ABCG8: variants seen among roughly 807,000 people sequenced by gnomAD.
ABCG8 encodes the protein ATP-binding cassette sub-family G member 8.
Under a neutral mutation model 71.3 loss-of-function variants are expected in ABCG8, and 81 were observed. That is an observed-to-expected ratio of 1.14 (90% confidence interval 0.95 to 1.37). The LOEUF (loss-of-function observed/expected upper bound fraction) is 1.37, where lower values mean the gene tolerates loss of function less well. Ranked by LOEUF, ABCG8 falls within the 40% of genes most tolerant of loss-of-function variation. The probability of loss-of-function intolerance (pLI) is 0.00; values close to 1 mark genes in which losing one functional copy is unlikely to be tolerated. For synonymous variants in ABCG8, 451 were observed against 354.7 expected (o/e 1.27, Z -3.05); for missense variants, 1,119 against 866.2 (o/e 1.29, Z -3.66).
In ABCG8 at chr2:43,873,957, T is replaced by A; in HGVS notation, c.1382T>A (p.Phe461Tyr). 6.2e-7 allele frequency: 1 copy of A among 1,614,108 alleles called. No individual in the cohort carries two copies. The highest frequency in any genetic ancestry group is 1.3e-5 in the African/African-American group (1 of 75,028). Residue 461 changes from phenylalanine (F) to tyrosine (Y), a missense_variant, in exon 9 of 13, where the codon TTC (phenylalanine) becomes TAC (tyrosine). Physicochemically the swap from Phe to Tyr is conservative, Grantham distance 22 (BLOSUM62 3). Transcript: ENST00000272286. The part of the protein sequence containing the change: ...LLFMIGALIP[F>Y]NVILDVISKC... ...TTCATGATCGGTGCTCTCATCCCTT[T>A]CAACGTCATTCTGGATGTCATCTCC...
chr2:43,865,282 A>T (rs1669486845), intron 6 of ABCG8, among the ~76,000 whole-genome samples: 1 of 147,486 alleles, frequency 6.8e-6, no homozygotes, highest in South Asian at 2.2e-4. Flanking sequence ...AGCTCTCACT[A>T]TCTGGATAGA....
intron 1 of ABCG8, among the ~76,000 whole-genome samples, chr2:43,842,956 T>C (rs1453670068): frequency 6.6e-6 from 1 of 152,240 alleles, no homozygotes; most frequent in African/African-American, 2.4e-5. Flanking sequence ...TGGAATGTTC[T>C]TTCCGAGAAC....
At chr2:43,843,625 T>A (rs573663708) in intron 1 of ABCG8, among the ~76,000 whole-genome samples, 1 of 152,184 alleles carries the variant, frequency 6.6e-6, no homozygotes, top group African/African-American at 2.4e-5. Flanking sequence ...CTGCACTCCA[T>A]CCTGGGTGAT....
chr2:43,839,235 G>A, intron 1 of ABCG8, 119 bp downstream of exon 1: 3 of 1,132,772 alleles, frequency 2.6e-6, no homozygotes, highest in Non-Finnish European at 3.9e-6. Flanking sequence ...GCAGTGTGAG[G>A]ACATGGCCGC....
rs181722906 is a variant in ABCG8 at position 43,859,249 on chromosome 2, C to T, written c.964+6381C>T. On this transcript the variant is annotated intron_variant, in intron 6 of 12. Coordinates refer to ENST00000272286, the MANE Select transcript of ABCG8 (RefSeq NM_022437.3). ...ACTATCTGGATAGAATTCTCACACT[C>T]TGGATACAACTCTCACTCTCTGTCT... Among the ~76,000 whole-genome samples the T allele has an allele frequency of 9.2e-5, 14 of 151,606 alleles. No individual in the cohort carries two copies. The East Asian group carries it at 2.5e-3, about 27-fold the overall frequency.
chr2:43,863,821 G>C (rs998024013), intron 6 of ABCG8, among the ~76,000 whole-genome samples: 12 of 151,432 alleles, frequency 7.9e-5, no homozygotes, highest in African/African-American at 2.7e-4. Flanking sequence ...TGTCTGGATA[G>C]AATTCTCACT....
intron 3 of ABCG8, among the ~76,000 whole-genome samples, chr2:43,851,262 A>G (rs1301740400): frequency 6.6e-6 from 1 of 152,216 alleles, no homozygotes; most frequent in African/African-American, 2.4e-5. Flanking sequence ...CAAATGCTCC[A>G]GGCACCAGCT....
intron 6 of ABCG8, among the ~76,000 whole-genome samples, chr2:43,858,088 C>T (rs1033632449): frequency 6.6e-6 from 1 of 151,378 alleles, no homozygotes; most frequent in Non-Finnish European, 1.5e-5. Flanking sequence ...AATTCTCACT[C>T]TCTGTGTGGA....
intron 2 of ABCG8, among the ~76,000 whole-genome samples, chr2:43,845,120 A>ATTT (rs57568822): frequency 7.2e-6 from 1 of 138,814 alleles, no homozygotes; most frequent in Non-Finnish European, 1.6e-5. Context: ...ATATATATAT[A>ATTT]ATTTTTTTTT....
rs148836748 is a variant in ABCG8 at position 43,872,280 on chromosome 2, G to A, written c.1185G>A (p.Ala395=). 3.2e-5 allele frequency: 52 copies of A among 1,613,868 alleles called. No homozygotes were observed. In the East Asian group the frequency reaches 5.1e-4, roughly 16 times the overall value. ...CGAGTCCTACGAAGATGCCTGGGGC[G>A]GTGCAGCAGTTTACGACGCTGATCC... ...CLPSPTKMPG[A]VQQFTTLIRR... The change falls in exon 8 of 13, where the codon GCG becomes GCA. Residue 395 remains alanine, a synonymous_variant. Transcript: ENST00000272286.
intron 11 of ABCG8, among the ~76,000 whole-genome samples, chr2:43,876,419 A>G (rs150600918): frequency 7.7e-4 from 117 of 152,252 alleles, no homozygotes; most frequent in African/African-American, 2.7e-3. Context: ...CCATGGGAAT[A>G]TGGGGAGACT....
Position 43,878,200 on chromosome 2 carries a change from T to G in ABCG8, c.*287T>G. 1 of 451,580 alleles carries G rather than the reference T, an allele frequency of 2.2e-6. No homozygotes were observed. The highest frequency in any genetic ancestry group is 4.7e-5 in the East Asian group (1 of 21,480). The allele number at this position is 451,580 out of a possible 1,614,324, so 28.0% of individuals were successfully genotyped here. On this transcript the variant is annotated 3_prime_UTR_variant, in exon 13 of 13. Coordinates refer to ENST00000272286, the MANE Select transcript of ABCG8 (RefSeq NM_022437.3). ...TAATTTATTTCCTTTTGATATGCAT[T>G]TATATAGGCAACTCGATATAGGATG...
chr2:43,850,935 A>G (rs976303237), intron 3 of ABCG8, among the ~76,000 whole-genome samples: 55 of 152,024 alleles, frequency 3.6e-4, no homozygotes, highest in African/African-American at 1.3e-3. Context: ...AAGAAAAAGT[A>G]AAAGTACCAC....
Position 43,852,476 on chromosome 2 carries a change from G to A in ABCG8, c.684G>A (p.Leu228=). Residue 228 remains leucine (L), a synonymous_variant, in exon 5 of 13, where the codon CTG becomes CTA. Coordinates refer to ENST00000272286, the MANE Select transcript of ABCG8 (RefSeq NM_022437.3). ...RRRVSIGVQL[L]WNPGILILDE... ...GAGTCAGCATTGGGGTGCAGCTCCT[G>A]TGGAACCCAGGTGAGGGCCTGGGGG... 1 of 1,613,512 alleles carries A rather than the reference G, an allele frequency of 6.2e-7. No individual in the cohort carries two copies. Among genetic ancestry groups the A allele is most frequent in the Non-Finnish European group, 8.5e-7 (1 of 1,179,950 alleles).
chr2:43,844,595 A>T lies in ABCG8; in HGVS notation c.152A>T (p.Asp51Val), dbSNP rs1174406692. 3 of 1,613,752 alleles carry T rather than the reference A, an allele frequency of 1.9e-6. No homozygotes were observed. Among genetic ancestry groups the T allele is most frequent in the Admixed American group, 1.7e-5 (1 of 60,012 alleles). Residue 51 changes from aspartate (D) to valine (V), a missense_variant, in exon 2 of 13, where the codon GAC becomes GTC. By Grantham distance (152) the Asp-to-Val change is radical. Coordinates refer to ENST00000272286, the MANE Select transcript of ABCG8 (RefSeq NM_022437.3). ...SGQPNTLEVRDLNYQVDLASQ... is the reference protein window; with the variant it reads ...SGQPNTLEVRVLNYQVDLASQ... ...CAGCCCAACACCCTGGAGGTCAGAGACCTCAACTACCAGGTAGAGGCACGC... is the reference window on the plus strand; with the variant it reads ...CAGCCCAACACCCTGGAGGTCAGAGTCCTCAACTACCAGGTAGAGGCACGC...
chr2:43,876,637 C>T (rs144478093), intron 11 of ABCG8, among the ~76,000 whole-genome samples: 4 of 146,402 alleles, frequency 2.7e-5, no homozygotes, highest in Non-Finnish European at 3.0e-5. Flanking sequence ...ATGGGGAGAC[C>T]GTGAGAATAT....
chr2:43,859,539 C>T (rs1051037979), intron 6 of ABCG8, among the ~76,000 whole-genome samples: 2 of 151,306 alleles, frequency 1.3e-5, no homozygotes, highest in African/African-American at 4.8e-5. Flanking sequence ...ATAGATCTCT[C>T]ACTATTTGTC....
intron 10 of ABCG8, 128 bp from the exon 11 acceptor site, chr2:43,875,018 C>A: frequency 1.5e-6 from 2 of 1,362,980 alleles, no homozygotes; most frequent in Non-Finnish European, 2.0e-6. Context: ...CCAGCACACC[C>A]TCCTGCCACA....
At chr2:43,863,259 A>G (rs1268354291) in intron 6 of ABCG8, among the ~76,000 whole-genome samples, 1 of 151,434 alleles carries the variant, frequency 6.6e-6, no homozygotes, top group African/African-American at 2.4e-5. Context: ...CCATCGGGAT[A>G]GAATTCTCAC....
Sources: gnomAD v4.1 joint callset for allele counts (sites outside exome capture counted in the v4.1 genomes callset) on GRCh38, gnomAD v4.1.1 for gene constraint, MANE v1.5 for transcripts, NCBI Gene and HGNC (gene_info 2026-07-23, HGNC 2026-07-21) for gene names.